PDZRN3: variants seen among roughly 807,000 people sequenced by gnomAD.
PDZRN3 encodes the protein PDZ domain containing ring finger 3, also known as E3 ubiquitin-protein ligase PDZRN3.
A neutral mutation model predicts 85.7 loss-of-function variants in PDZRN3; 38 were observed. That is an observed-to-expected ratio of 0.44 (90% confidence interval 0.34 to 0.58). PDZRN3 has a LOEUF of 0.58. PDZRN3 is among the 20% of genes least tolerant of loss of function. The pLI, the probability that PDZRN3 is intolerant of heterozygous loss-of-function variation, is 0.01. For synonymous variants in PDZRN3, 759 were observed against 638.0 expected (o/e 1.19, Z -2.86); for missense variants, 1,629 against 1,506.4 (o/e 1.08, Z -1.35).
chr3:73,479,935 C>T (rs1398433594), intron 3 of PDZRN3, among the ~76,000 whole-genome samples: 3 of 152,100 alleles, frequency 2.0e-5, no homozygotes, highest in Admixed American at 1.3e-4. Flanking sequence ...CTGCAAGGGA[C>T]AGGGTAGTAC....
intron 3 of PDZRN3, among the ~76,000 whole-genome samples, chr3:73,452,509 G>C (rs1702883540): frequency 6.6e-6 from 1 of 152,186 alleles, no homozygotes; most frequent in African/African-American, 2.4e-5. Context: ...ACTGAAGGCA[G>C]AAACGCATGC....
At chr3:73,433,348 T>G (rs1383239569) in intron 3 of PDZRN3, among the ~76,000 whole-genome samples, 3 of 152,236 alleles carry the variant, frequency 2.0e-5, no homozygotes, top group African/African-American at 7.2e-5. Context: ...AGTTCGACAC[T>G]CTGGAGAGAG....
chr3:73,456,218 G>A lies in PDZRN3; in HGVS notation c.919-51823C>T, dbSNP rs1006335672. Among the ~76,000 whole-genome samples the A allele has an allele frequency of 4.6e-5, 7 of 151,746 alleles. 1 individual carries two copies. Among genetic ancestry groups the A allele is most frequent in the Middle Eastern group, 6.8e-3 (2 of 294 alleles). On this transcript the variant is annotated intron_variant, in intron 3 of 9. Transcript: ENST00000263666. ...TGTGTGTGTGTGTGTGTGTGTGTGC[G>A]CGCGTGCGCTTCTCCTTGTTATCAT...
chr3:73,394,970 G>A (rs1001511198), intron 5 of PDZRN3, among the ~76,000 whole-genome samples: 1 of 152,216 alleles, frequency 6.6e-6, no homozygotes, highest in Admixed American at 6.5e-5. Context: ...GATGAATTGT[G>A]CAATGAAAGC....
chr3:73,624,577 C>A lies in PDZRN3; in HGVS notation c.249G>T (p.Ala83=), dbSNP rs1259952976. Residue 83 remains alanine (A), a synonymous_variant, in exon 1 of 10, where the codon GCG becomes GCT. Coordinates refer to ENST00000263666, the MANE Select transcript of PDZRN3 (RefSeq NM_015009.3). ...RLILKLDIKC[A]YATRGCGRVV... is the part of the protein sequence containing the mutation. Reference sequence around the variant, plus strand: ...CCCGGCCGCAGCCGCGCGTCGCGTACGCGCACTTGATGTCCAGCTTGAGGA... The same window carrying A: ...CCCGGCCGCAGCCGCGCGTCGCGTAAGCGCACTTGATGTCCAGCTTGAGGA... The A allele has an allele frequency of 2.6e-6, 4 of 1,545,820 alleles. No homozygotes were observed. Among genetic ancestry groups the A allele is most frequent in the South Asian group, 1.2e-5 (1 of 83,298 alleles).
chr3:73,592,005 GT>G (rs1335578288), intron 3 of PDZRN3, among the ~76,000 whole-genome samples: 1 of 152,052 alleles, frequency 6.6e-6, no homozygotes, highest in Non-Finnish European at 1.5e-5. Context: ...TCTACTAATG[GT>G]TTCTCTTCCC....
intron 3 of PDZRN3, among the ~76,000 whole-genome samples, chr3:73,479,357 G>A (rs17703898): frequency 6.6e-6 from 1 of 151,344 alleles, no homozygotes; most frequent in African/African-American, 2.4e-5. Context: ...GCATGGACAG[G>A]CTCCTTTTTG....
At chr3:73,437,505 C>T (rs1160148140) in intron 3 of PDZRN3, among the ~76,000 whole-genome samples, 3 of 152,184 alleles carry the variant, frequency 2.0e-5, no homozygotes, top group Middle Eastern at 6.3e-3. Context: ...CCGGGCCTCA[C>T]TTTGAGAACA....
chr3:73,586,263 C>G (rs1307845994), intron 3 of PDZRN3, among the ~76,000 whole-genome samples: 2 of 152,198 alleles, frequency 1.3e-5, no homozygotes, highest in African/African-American at 4.8e-5. Flanking sequence ...TTTTAACCCG[C>G]TGCTATTCCT....
At chr3:73,417,302 A>G (rs1702111916) in intron 3 of PDZRN3, among the ~76,000 whole-genome samples, 1 of 152,166 alleles carries the variant, frequency 6.6e-6, no homozygotes, top group South Asian at 2.1e-4. Context: ...GCTTCTCCCC[A>G]TAAGGAAAAC....
Position 73,624,612 on chromosome 3 carries a change from T to C in PDZRN3, c.214A>G (p.Lys72Glu), listed in dbSNP as rs1273641486. The C allele has an allele frequency of 7.1e-6, 11 of 1,559,904 alleles. No homozygotes were observed. The highest frequency in any genetic ancestry group is 9.5e-6 in the Non-Finnish European group (11 of 1,156,630). The change falls in exon 1 of 10, where the codon AAG becomes GAG. Residue 72 changes from lysine (K) to glutamate (E), a missense_variant. By Grantham distance (56) the Lys-to-Glu change is moderately conservative (BLOSUM62 1). Coordinates refer to ENST00000263666, the MANE Select transcript of PDZRN3 (RefSeq NM_015009.3). Reference protein sequence around the residue: ...AKELNHVLPLKRLILKLDIKC... With the variant: ...AKELNHVLPLERLILKLDIKC... ...ATGTCCAGCTTGAGGATAAGGCGCTTGAGCGGCAGGACGTGGTTGAGCTCT... is the reference window on the plus strand; with the variant it reads ...ATGTCCAGCTTGAGGATAAGGCGCTCGAGCGGCAGGACGTGGTTGAGCTCT...
At chr3:73,407,375 A>G (rs77474236) in intron 3 of PDZRN3, among the ~76,000 whole-genome samples, 296 of 152,316 alleles carry the variant, frequency 1.9e-3, no homozygotes, top group African/African-American at 6.9e-3. Flanking sequence ...GGTCCTAATA[A>G]TATCACTGAA....
chr3:73,416,876 GTTTTTTTTTTTTTTTT>G (rs146381615), intron 3 of PDZRN3, among the ~76,000 whole-genome samples: 7 of 110,406 alleles, frequency 6.3e-5, no homozygotes, highest in African/African-American at 1.4e-4. Flanking sequence ...TTTTTTTTTG[GTTTTTTTTTTTTTTTT>G]TTTTTTTTTT....
At chr3:73,497,108 G>A (rs1051493177) in intron 3 of PDZRN3, among the ~76,000 whole-genome samples, 1 of 152,050 alleles carries the variant, frequency 6.6e-6, no homozygotes. Flanking sequence ...AGAGTATTTC[G>A]GTTTGGAGCT....
At chr3:73,555,193 T>A (rs1016760755) in intron 3 of PDZRN3, among the ~76,000 whole-genome samples, 6 of 152,218 alleles carry the variant, frequency 3.9e-5, no homozygotes, top group Admixed American at 2.0e-4. Flanking sequence ...ATCACTGACA[T>A]TTTTAAGGAA....
intron 3 of PDZRN3, among the ~76,000 whole-genome samples, chr3:73,590,156 C>A (rs1702334978): frequency 9.3e-6 from 1 of 108,038 alleles, no homozygotes; most frequent in Non-Finnish European, 2.2e-5. Flanking sequence ...GTAATCCCAG[C>A]TACTTGGGGG....
chr3:73,537,444 G>A (rs1419719267), intron 3 of PDZRN3, among the ~76,000 whole-genome samples: 2 of 152,174 alleles, frequency 1.3e-5, no homozygotes, highest in African/African-American at 4.8e-5. Flanking sequence ...ATTTGACCAG[G>A]TGGCTTAAAC....
chr3:73,424,721 A>C (rs1458503460), intron 3 of PDZRN3, among the ~76,000 whole-genome samples: 1 of 152,076 alleles, frequency 6.6e-6, no homozygotes, highest in African/African-American at 2.4e-5. Context: ...ATGGGCAAAA[A>C]GTTGGAGCAG....
At chr3:73,564,895 C>T (rs1235177022) in intron 3 of PDZRN3, among the ~76,000 whole-genome samples, 1 of 152,104 alleles carries the variant, frequency 6.6e-6, no homozygotes, top group East Asian at 1.9e-4. Context: ...GCCCAGCATA[C>T]AGTAAGTGCT....
Sources: gnomAD v4.1 joint callset for allele counts (sites outside exome capture counted in the v4.1 genomes callset) on GRCh38, gnomAD v4.1.1 for gene constraint, MANE v1.5 for transcripts, NCBI Gene and HGNC (gene_info 2026-07-23, HGNC 2026-07-21) for gene names.